The following ARHGAP25 variants were observed in gnomAD, a reference collection of about 807,000 sequenced individuals.
ARHGAP25 encodes the protein Rho GTPase activating protein 25.
Under a neutral mutation model 71.0 loss-of-function variants are expected in ARHGAP25, and 34 were observed. The ratio of observed to expected loss-of-function variants is 0.48; its 90% confidence interval spans 0.36 to 0.64. The LOEUF (loss-of-function observed/expected upper bound fraction) is 0.64, where lower values mean the gene tolerates loss of function less well. Among genes scored for constraint, ARHGAP25 ranks in the 30% least tolerant of loss-of-function variants. ARHGAP25 has a pLI of 0.00. For synonymous variants in ARHGAP25, 282 were observed against 296.5 expected, an observed-to-expected ratio of 0.95 and a Z score of 0.50; for missense variants, 706 against 805.1, an observed-to-expected ratio of 0.88 and a Z score of 1.49.
intron 1 of ARHGAP25, among the ~76,000 whole-genome samples, chr2:68,749,332 A>G (rs899317816): frequency 6.6e-6 from 1 of 152,172 alleles, no homozygotes; most frequent in Admixed American, 6.5e-5. Flanking sequence ...GCCACCTTGT[A>G]TCACAGGAAC....
intron 2 of ARHGAP25, among the ~76,000 whole-genome samples, chr2:68,716,142 C>T (rs1212522880): frequency 6.6e-6 from 1 of 152,194 alleles, no homozygotes; most frequent in Non-Finnish European, 1.5e-5. Flanking sequence ...GCCTGCCCAT[C>T]CTTTCCTGTG....
At chr2:68,820,407 G>C (rs949114606) in intron 9 of ARHGAP25, among the ~76,000 whole-genome samples, 1 of 152,150 alleles carries the variant, frequency 6.6e-6, no homozygotes, top group East Asian at 1.9e-4. Context: ...CAATGTAGTA[G>C]CACTAGCTTG....
intron 1 of ARHGAP25, among the ~76,000 whole-genome samples, chr2:68,737,913 T>C (rs918760788): frequency 2.0e-5 from 3 of 152,092 alleles, no homozygotes; most frequent in African/African-American, 7.2e-5. Context: ...GGGGAGGGAC[T>C]CTCCACTGTA....
At chr2:68,774,533 C>T (rs959209848) in intron 1 of ARHGAP25, among the ~76,000 whole-genome samples, 1 of 152,202 alleles carries the variant, frequency 6.6e-6, no homozygotes, top group African/African-American at 2.4e-5. Flanking sequence ...CAGCAGTGAG[C>T]GCCTTGTACA....
chr2:68,822,019 AC>A (rs1169525516), intron 9 of ARHGAP25, among the ~76,000 whole-genome samples: 2 of 150,930 alleles, frequency 1.3e-5, no homozygotes, highest in Non-Finnish European at 2.9e-5. Flanking sequence ...AATTTATCAA[AC>A]TTTTACGGCT....
At chr2:68,804,255 C>T (rs1026656508) in intron 4 of ARHGAP25, among the ~76,000 whole-genome samples, 1 of 152,176 alleles carries the variant, frequency 6.6e-6, no homozygotes, top group Non-Finnish European at 1.5e-5. Context: ...AAAGCTTTGA[C>T]TTCTCTGTGC....
intron 1 of ARHGAP25, among the ~76,000 whole-genome samples, chr2:68,757,311 A>G (rs1676544887): frequency 1.3e-5 from 2 of 152,158 alleles, no homozygotes; most frequent in South Asian, 4.1e-4. Flanking sequence ...ATAAACATCC[A>G]AGAAGTTCAA....
intron 1 of ARHGAP25, among the ~76,000 whole-genome samples, chr2:68,772,329 CA>C (rs1248285659): frequency 4.6e-5 from 7 of 152,240 alleles, no homozygotes; most frequent in Admixed American, 4.6e-4. Flanking sequence ...CACTTCCCCT[CA>C]CTCCTGAGTT....
intron 9 of ARHGAP25, among the ~76,000 whole-genome samples, chr2:68,821,011 A>G (rs1041655681): frequency 6.6e-6 from 1 of 151,784 alleles, no homozygotes; most frequent in Non-Finnish European, 1.5e-5. Flanking sequence ...CATGTTTTCT[A>G]GAGGTGTATA....
chr2:68,810,841 A>G lies in ARHGAP25; in HGVS notation c.675-2446A>G, dbSNP rs538263233. Among the ~76,000 whole-genome samples, 133 of 150,796 alleles carry G rather than the reference A, an allele frequency of 8.8e-4. 1 individual carries two copies. The highest frequency in any genetic ancestry group is 5.7e-4 in the Non-Finnish European group (39 of 67,854). Reference sequence around the variant, plus strand: ...ACTGCAACCTCTGCCTCCTGGATTCAAGTTATTCTCCTGCCTCAGCCTCCT... The same window carrying G: ...ACTGCAACCTCTGCCTCCTGGATTCGAGTTATTCTCCTGCCTCAGCCTCCT... On this transcript the variant is annotated intron_variant, in intron 5 of 10. Transcript: ENST00000409202.
intron 2 of ARHGAP25, among the ~76,000 whole-genome samples, chr2:68,777,933 A>C (rs1468665716): frequency 2.0e-5 from 3 of 152,278 alleles, no homozygotes; most frequent in South Asian, 2.1e-4. Context: ...TTGTAAATGC[A>C]AAATTAGTAT....
intron 1 of ARHGAP25, among the ~76,000 whole-genome samples, chr2:68,742,351 C>G (rs1215470657): frequency 1.3e-5 from 2 of 152,186 alleles, no homozygotes; most frequent in African/African-American, 4.8e-5. Flanking sequence ...AATTTTCTGA[C>G]AAAGTGTAAA....
chr2:68,813,496 G>T, intron 6 of ARHGAP25, 77 bp downstream of exon 6: 1 of 1,521,422 alleles, frequency 6.6e-7, no homozygotes, highest in Non-Finnish European at 8.9e-7. Context: ...GTAGGCAACA[G>T]TGGGTCAAGG....
chr2:68,786,318 A>T (rs1678758813), intron 3 of ARHGAP25, among the ~76,000 whole-genome samples: 1 of 152,186 alleles, frequency 6.6e-6, no homozygotes, highest in South Asian at 2.1e-4. Flanking sequence ...GACACCAGAT[A>T]AATTTTGTCC....
At chr2:68,774,437 G>A (rs1284361562) in intron 1 of ARHGAP25, among the ~76,000 whole-genome samples, 1 of 152,198 alleles carries the variant, frequency 6.6e-6, no homozygotes, top group African/African-American at 2.4e-5. Flanking sequence ...CTGAGTGCAT[G>A]CAGGTTCAAG....
At chr2:68,813,264 G>T (rs1680961592) in intron 5 of ARHGAP25, 23 bp from the exon 6 acceptor site, 1 of 1,598,952 alleles carries the variant, frequency 6.3e-7, no homozygotes, top group Non-Finnish European at 8.5e-7. Flanking sequence ...GAGTTTCACA[G>T]AGCGTTGCTT....
intron 3 of ARHGAP25, among the ~76,000 whole-genome samples, chr2:68,785,738 C>T (rs183932812): frequency 8.5e-4 from 129 of 152,154 alleles, no homozygotes; most frequent in African/African-American, 3.0e-3. Flanking sequence ...GAAAAGGTAA[C>T]ATTTGAGTTG....
At chr2:68,724,469 T>A (rs954387396) in intron 2 of ARHGAP25, among the ~76,000 whole-genome samples, 1 of 152,192 alleles carries the variant, frequency 6.6e-6, no homozygotes, top group African/African-American at 2.4e-5. Context: ...TGTGGGATGC[T>A]AAGAGGATGG....
intron 3 of ARHGAP25, among the ~76,000 whole-genome samples, chr2:68,782,708 C>CCA (rs1172458809): frequency 6.6e-6 from 1 of 152,160 alleles, no homozygotes; most frequent in Non-Finnish European, 1.5e-5. Flanking sequence ...ATAAATGGAA[C>CCA]CACGTGAAAT....
Sources: allele counts gnomAD v4.1 joint callset (sites outside exome capture counted in the v4.1 genomes callset), GRCh38; gene constraint gnomAD v4.1.1; transcripts MANE v1.5; gene names NCBI Gene and HGNC (gene_info 2026-07-23, HGNC 2026-07-21).